The following CACNA2D3 variants were observed in gnomAD, a reference collection of about 807,000 sequenced individuals.
CACNA2D3 encodes calcium voltage-gated channel auxiliary subunit alpha2delta 3, also known as voltage-dependent calcium channel subunit alpha-2/delta-3.
CACNA2D3 carries 60 observed loss-of-function variants against 160.6 expected under a neutral mutation model. The observed-to-expected ratio is 0.37, with a 90% CI of 0.30 to 0.46. The LOEUF is 0.46. Ranked by LOEUF, CACNA2D3 falls within the 20% of genes least tolerant of loss-of-function variation. The probability of loss-of-function intolerance (pLI) is 1.00; values close to 1 mark genes in which losing one functional copy is unlikely to be tolerated. For missense variants in CACNA2D3, 1,205 were observed against 1,365.0 expected (o/e 0.88, Z 1.85); for synonymous variants, 558 against 492.9 (o/e 1.13, Z -1.75).
At chr3:54,516,369 CAG>C (rs1701551126) in intron 5 of CACNA2D3, among the ~76,000 whole-genome samples, 1 of 152,188 alleles carries the variant, frequency 6.6e-6, no homozygotes, top group Non-Finnish European at 1.5e-5. Flanking sequence ...TCTTAAGTGA[CAG>C]AGGTATTTCT....
In CACNA2D3 at chr3:54,272,426, G is replaced by A. The variant is rs146548421; in HGVS notation, c.205-48016G>A. 9.7e-4 allele frequency among the ~76,000 whole-genome samples: 148 copies of A among 152,272 alleles called. No homozygotes were observed. In the Middle Eastern group the frequency reaches 0.01, roughly 10 times the overall value. ...CTTAGGCCACCTGTTCCACATGCAT[G>A]TCTTTAGCATCAAATGTGCTGGTTG... On this transcript the variant is annotated intron_variant, in intron 2 of 37. Coordinates refer to ENST00000474759, the MANE Select transcript of CACNA2D3 (RefSeq NM_018398.3).
chr3:54,297,439 A>T (rs1341995709), intron 2 of CACNA2D3, among the ~76,000 whole-genome samples: 1 of 144,686 alleles, frequency 6.9e-6, no homozygotes, highest in East Asian at 2.1e-4. Flanking sequence ...TCATAACCCA[A>T]CTCTCAGTTA....
At chr3:54,651,283 G>T (rs1699759153) in intron 11 of CACNA2D3, among the ~76,000 whole-genome samples, 1 of 152,122 alleles carries the variant, frequency 6.6e-6, no homozygotes, top group South Asian at 2.1e-4. Flanking sequence ...CAGAGAGCAG[G>T]AGAACAGCAA....
chr3:54,171,836 T>C (rs1700578271), intron 2 of CACNA2D3, among the ~76,000 whole-genome samples: 1 of 152,228 alleles, frequency 6.6e-6, no homozygotes, highest in Admixed American at 6.5e-5. Flanking sequence ...CATGTCTGTC[T>C]GCCTGCTCCT....
intron 3 of CACNA2D3, among the ~76,000 whole-genome samples, chr3:54,373,571 T>C (rs1424879381): frequency 6.6e-6 from 1 of 152,232 alleles, no homozygotes; most frequent in Non-Finnish European, 1.5e-5. Flanking sequence ...TATAATGCAC[T>C]GTAGGCTGTG....
chr3:54,278,896 A>G lies in CACNA2D3; in HGVS notation c.205-41546A>G, dbSNP rs146998396. Among the ~76,000 whole-genome samples, 1,502 of 152,212 alleles carry G rather than the reference A, an allele frequency of 9.9e-3. 32 individuals carry two copies. The highest frequency in any genetic ancestry group is 0.035 in the African/African-American group (1,435 of 41,516). ...AATACCTAATGTAGATGACGGGTTG[A>G]TGGGTGCAGTGAACCACCATGTCAC... On this transcript the variant is annotated intron_variant, in intron 2 of 37. Coordinates refer to ENST00000474759, the MANE Select transcript of CACNA2D3 (RefSeq NM_018398.3).
At chr3:54,908,972 C>T (rs1700501865) in intron 27 of CACNA2D3, among the ~76,000 whole-genome samples, 1 of 152,094 alleles carries the variant, frequency 6.6e-6, no homozygotes, top group Non-Finnish European at 1.5e-5. Context: ...TTTAAAAGAA[C>T]AACGAAAAAG....
At position 54,569,674 on chromosome 3, in the gene CACNA2D3, G is replaced by A. The variant is rs72868806; in HGVS notation, c.677-121G>A. 8.1e-3 allele frequency: 6,212 copies of A among 770,278 alleles called. 248 individuals carry two copies. The African/African-American group carries it at 0.096, about 12-fold the overall frequency. The allele number at this position is 770,278 out of a possible 1,614,324, so 47.7% of individuals were successfully genotyped here. Reference sequence around the variant, plus strand: ...GATGGAGCATGTGATGAGCTCTGGGGTTGGTCTTTGCATGTGATTTTTCAC... The same window carrying A: ...GATGGAGCATGTGATGAGCTCTGGGATTGGTCTTTGCATGTGATTTTTCAC... On this transcript the variant is annotated intron_variant, in intron 6 of 37. Coordinates refer to ENST00000474759, the MANE Select transcript of CACNA2D3 (RefSeq NM_018398.3).
intron 17 of CACNA2D3, among the ~76,000 whole-genome samples, chr3:54,870,334 T>G (rs148826448): frequency 0.013 from 2,021 of 152,302 alleles, 27 homozygotes; most frequent in African/African-American, 0.04. Flanking sequence ...CCTATGGTTT[T>G]GGGGTCTTAA....
intron 37 of CACNA2D3, 98 bp downstream of exon 37, chr3:55,073,957 G>GA: frequency 1.7e-6 from 2 of 1,158,690 alleles, no homozygotes; most frequent in East Asian, 2.4e-5. Context: ...TCACTCATGA[G>GA]AAAATAATCC....
chr3:55,005,347 A>G (rs1703072107), intron 32 of CACNA2D3, among the ~76,000 whole-genome samples: 2 of 152,224 alleles, frequency 1.3e-5, no homozygotes, highest in Non-Finnish European at 2.9e-5. Context: ...AAATCCAGTA[A>G]TTATATGAAT....
In CACNA2D3 at chr3:55,033,826, T is replaced by C. The variant is rs1483621492; in HGVS notation, c.2987+15509T>C. ...TAATATGTATTATATATTAAATATA[T>C]TTAATATATAATATATATTACATAT... On this transcript the variant is annotated intron_variant, in intron 35 of 37. Coordinates refer to ENST00000474759, the MANE Select transcript of CACNA2D3 (RefSeq NM_018398.3). 8.5e-5 allele frequency among the ~76,000 whole-genome samples: 7 copies of C among 82,438 alleles called. 1 individual carries two copies. The highest frequency in any genetic ancestry group is 1.8e-4 in the Non-Finnish European group (7 of 39,400). 54.1% of individuals were successfully genotyped at this position (82,438 alleles called of 152,430 possible).
chr3:54,912,030 A>G (rs1282553707), intron 27 of CACNA2D3, among the ~76,000 whole-genome samples: 1 of 152,172 alleles, frequency 6.6e-6, no homozygotes, highest in Non-Finnish European at 1.5e-5. Context: ...TTGCGGACTC[A>G]TCTGAAGGCT....
chr3:54,267,831 A>G (rs1702548340), intron 2 of CACNA2D3, among the ~76,000 whole-genome samples: 1 of 152,190 alleles, frequency 6.6e-6, no homozygotes, highest in South Asian at 2.1e-4. Flanking sequence ...TATTTTTTCC[A>G]TCCTAAACCC....
chr3:54,674,577 C>G (rs1700208463), intron 11 of CACNA2D3, among the ~76,000 whole-genome samples: 1 of 151,972 alleles, frequency 6.6e-6, no homozygotes, highest in African/African-American at 2.4e-5. Flanking sequence ...TGCTTGGGTG[C>G]AGGTACAAAG....
At chr3:54,906,388 A>G (rs979195925) in intron 27 of CACNA2D3, among the ~76,000 whole-genome samples, 5 of 152,166 alleles carry the variant, frequency 3.3e-5, no homozygotes, top group Non-Finnish European at 5.9e-5. Context: ...TGGTGGGGCA[A>G]TGCCTTTCCA....
intron 31 of CACNA2D3, among the ~76,000 whole-genome samples, chr3:55,001,442 G>C (rs1486736079): frequency 6.6e-6 from 1 of 152,154 alleles, no homozygotes; most frequent in Non-Finnish European, 1.5e-5. Flanking sequence ...CTCTCTAGCA[G>C]GCACTGTGCT....
At chr3:54,353,395 GC>G (rs1426183536) in intron 3 of CACNA2D3, among the ~76,000 whole-genome samples, 1 of 152,010 alleles carries the variant, frequency 6.6e-6, no homozygotes, top group Non-Finnish European at 1.5e-5. Flanking sequence ...TCTCACCTTT[GC>G]CCCCTGCCAG....
At chr3:54,643,263 A>G (rs914083719) in intron 11 of CACNA2D3, among the ~76,000 whole-genome samples, 59 of 152,286 alleles carry the variant, frequency 3.9e-4, no homozygotes, top group African/African-American at 1.4e-3. Context: ...AACTCTATCT[A>G]GGGAGCACAT....
Sources: allele counts gnomAD v4.1 joint callset (sites outside exome capture counted in the v4.1 genomes callset), GRCh38; gene constraint gnomAD v4.1.1; transcripts MANE v1.5; gene names NCBI Gene and HGNC (gene_info 2026-07-23, HGNC 2026-07-21).